The following TRHDE variants were observed in gnomAD, a reference collection of about 807,000 sequenced individuals.
TRHDE encodes thyrotropin releasing hormone degrading enzyme.
In TRHDE, 72 loss-of-function variants were observed where a neutral mutation model predicts 125.7. The observed-to-expected ratio is 0.57, with a 90% CI of 0.47 to 0.70. The LOEUF (loss-of-function observed/expected upper bound fraction) is 0.70, where lower values mean the gene tolerates loss of function less well. Ranked by LOEUF, TRHDE falls within the 30% of genes least tolerant of loss-of-function variation. TRHDE has a pLI of 0.00. For missense variants in TRHDE, 1,110 were observed against 1,327.1 expected (o/e 0.84, Z 2.54); for synonymous variants, 509 against 509.1 (o/e 1.00, Z 0.00).
chr12:72,114,969 G>T (rs749525611), intron 2 of TRHDE, among the ~76,000 whole-genome samples: 1 of 151,882 alleles, frequency 6.6e-6, no homozygotes, highest in African/African-American at 2.4e-5. Flanking sequence ...AATTTTGTGG[G>T]TATATAGCAG....
At chr12:72,172,599 A>C (rs1328985288) in intron 2 of TRHDE, among the ~76,000 whole-genome samples, 2 of 152,194 alleles carry the variant, frequency 1.3e-5, no homozygotes, top group African/African-American at 4.8e-5. Context: ...AGGGATGGGC[A>C]CCAATATGAG....
intron 12 of TRHDE, chr12:72,582,602 TGG>T: frequency 1.1e-5 from 11 of 985,444 alleles, no homozygotes; most frequent in Non-Finnish European, 1.2e-5. Flanking sequence ...ACCCTGACCC[TGG>T]CTAGATGAGT....
intron 5 of TRHDE, among the ~76,000 whole-genome samples, chr12:72,476,257 T>G (rs1876888134): frequency 6.6e-6 from 1 of 152,196 alleles, no homozygotes; most frequent in South Asian, 2.1e-4. Flanking sequence ...ATTTGATTGC[T>G]TTTGCTTTTT....
At chr12:72,229,560 A>T (rs1017687943) in intron 2 of TRHDE, among the ~76,000 whole-genome samples, 1 of 152,234 alleles carries the variant, frequency 6.6e-6, no homozygotes, top group Non-Finnish European at 1.5e-5. Context: ...GGGCTGATAC[A>T]GAACAGATCA....
At chr12:72,169,168 T>G (rs1391321709) in intron 2 of TRHDE, among the ~76,000 whole-genome samples, 5 of 151,466 alleles carry the variant, frequency 3.3e-5, no homozygotes, top group Admixed American at 3.3e-4. Context: ...GAAGACCAAG[T>G]GTTCAATTCT....
At chr12:72,523,665 G>A (rs933294869) in intron 6 of TRHDE, among the ~76,000 whole-genome samples, 1 of 152,052 alleles carries the variant, frequency 6.6e-6, no homozygotes, top group Non-Finnish European at 1.5e-5. Flanking sequence ...TTAGCTTAAT[G>A]GCATTACACA....
chr12:72,324,831 G>A (rs1011006611), intron 2 of TRHDE, among the ~76,000 whole-genome samples: 1 of 151,928 alleles, frequency 6.6e-6, no homozygotes, highest in Non-Finnish European at 1.5e-5. Context: ...CCATCTTTAG[G>A]TATGATTTTA....
intron 15 of TRHDE, among the ~76,000 whole-genome samples, chr12:72,640,831 A>G (rs1048627868): frequency 6.6e-6 from 1 of 152,180 alleles, no homozygotes; most frequent in Middle Eastern, 3.2e-3. Flanking sequence ...CTTCAAATGA[A>G]TTAATTAATT....
chr12:72,654,700 C>T (rs1370697020), intron 17 of TRHDE, among the ~76,000 whole-genome samples: 2 of 152,066 alleles, frequency 1.3e-5, no homozygotes, highest in South Asian at 2.1e-4. Context: ...ATAGGCGTCC[C>T]CTTTTCTCTT....
chr12:72,124,318 T>C (rs1875661534), intron 2 of TRHDE, among the ~76,000 whole-genome samples: 1 of 152,190 alleles, frequency 6.6e-6, no homozygotes, highest in African/African-American at 2.4e-5. Flanking sequence ...ACCAAATAAC[T>C]TTTTTTGTTC....
chr12:72,103,645 C>G (rs573389285), intron 1 of TRHDE, among the ~76,000 whole-genome samples: 5 of 152,242 alleles, frequency 3.3e-5, no homozygotes, highest in African/African-American at 1.2e-4. Context: ...TATTTGCAAG[C>G]TGGCCTTCCC....
chr12:72,142,793 G>A (rs528120641), intron 2 of TRHDE, among the ~76,000 whole-genome samples: 1 of 152,160 alleles, frequency 6.6e-6, no homozygotes, highest in African/African-American at 2.4e-5. Context: ...GCCAAGAGGA[G>A]TTCAGTAGGG....
At chr12:72,475,191 G>A (rs750703738) in intron 5 of TRHDE, among the ~76,000 whole-genome samples, 18 of 152,002 alleles carry the variant, frequency 1.2e-4, no homozygotes, top group Non-Finnish European at 1.8e-4. Context: ...AAATGTTTAC[G>A]GTAACTGAAA....
intron 5 of TRHDE, among the ~76,000 whole-genome samples, chr12:72,474,013 T>C (rs968655705): frequency 1.3e-5 from 2 of 152,048 alleles, no homozygotes; most frequent in African/African-American, 4.8e-5. Flanking sequence ...TGTATATATA[T>C]ACACACGCAC....
intron 9 of TRHDE, 113 bp from the exon 10 acceptor site, chr12:72,568,455 T>TA: frequency 1.7e-6 from 1 of 572,028 alleles, no homozygotes; most frequent in South Asian, 3.9e-5. Context: ...TATTTTTTTT[T>TA]AGTTCACCTA....
At chr12:72,227,988 C>T (rs1252636253) in intron 2 of TRHDE, among the ~76,000 whole-genome samples, 1 of 152,210 alleles carries the variant, frequency 6.6e-6, no homozygotes, top group Admixed American at 6.5e-5. Flanking sequence ...TAGACCCCCT[C>T]CTGGCTGCTT....
At chr12:72,327,463 G>A (rs1869392173) in intron 2 of TRHDE, among the ~76,000 whole-genome samples, 1 of 152,110 alleles carries the variant, frequency 6.6e-6, no homozygotes, top group South Asian at 2.1e-4. Context: ...TTCTAAAACT[G>A]TTTGGATTTG....
chr12:72,273,608 A>G lies in TRHDE; in HGVS notation c.914+51A>G. 1.3e-6 allele frequency: 2 copies of G among 1,521,938 alleles called. No individual in the cohort carries two copies. The highest frequency in any genetic ancestry group is 1.8e-6 in the Non-Finnish European group (2 of 1,132,578). 94.3% of individuals were successfully genotyped at this position (1,521,938 alleles called of 1,614,324 possible). A position where few individuals can be genotyped will look rare whatever the true frequency, so the allele number is the denominator to read the frequency against. ...CTGCCCCACCCCGGCGCGCGGCTCG[A>G]ACCTCTGGGCGGCCTGCGACCCCGG... On this transcript the variant is annotated intron_variant, in intron 1 of 18. Transcript: ENST00000261180. The surrounding 1 kb of genome is among the most constrained non-coding windows in gnomAD (Gnocchi z 5.3).
intron 3 of TRHDE, among the ~76,000 whole-genome samples, chr12:72,447,685 G>C (rs901685228): frequency 1.3e-4 from 19 of 151,960 alleles, no homozygotes; most frequent in Admixed American, 3.3e-4. Context: ...TTCTAAGTCT[G>C]ATGTTTTAAA....
Sources: gnomAD v4.1 joint callset for allele counts (sites outside exome capture counted in the v4.1 genomes callset) on GRCh38, gnomAD v4.1.1 for gene constraint, Gnocchi (gnomAD v3.1) non-coding constraint, MANE v1.5 for transcripts, NCBI Gene and HGNC (gene_info 2026-07-23, HGNC 2026-07-21) for gene names.